ZFPM2: variants seen among roughly 807,000 people sequenced by gnomAD.
ZFPM2 encodes zinc finger protein, FOG family member 2.
Under a neutral mutation model 98.6 loss-of-function variants are expected in ZFPM2, and 20 were observed. That is an observed-to-expected ratio of 0.20 (90% CI 0.14 to 0.29). The LOEUF is 0.29. Among genes scored for constraint, ZFPM2 ranks in the 10% least tolerant of loss-of-function variants. The pLI is 1.00. For synonymous variants in ZFPM2, 518 were observed against 502.7 expected (o/e 1.03, Z -0.41); for missense variants, 1,310 against 1,388.6 (o/e 0.94, Z 0.90).
intron 3 of ZFPM2, among the ~76,000 whole-genome samples, chr8:105,516,922 T>C (rs1813935857): frequency 6.6e-6 from 1 of 152,174 alleles, no homozygotes; most frequent in Non-Finnish European, 1.5e-5. Flanking sequence ...AAAGTAAAAA[T>C]GCCAACTCAT....
chr8:105,436,937 G>A (rs1812132604), intron 2 of ZFPM2, among the ~76,000 whole-genome samples: 1 of 152,096 alleles, frequency 6.6e-6, no homozygotes, highest in Non-Finnish European at 1.5e-5. Flanking sequence ...TATGATTTCA[G>A]TGTTTTCATA....
At chr8:105,491,626 A>G (rs992524782) in intron 3 of ZFPM2, among the ~76,000 whole-genome samples, 1 of 152,228 alleles carries the variant, frequency 6.6e-6, no homozygotes, top group Non-Finnish European at 1.5e-5. Flanking sequence ...CAAGAGCAAG[A>G]TGAATTTGTC....
At chr8:105,752,722 T>G (rs998622749) in intron 5 of ZFPM2, among the ~76,000 whole-genome samples, 1 of 152,138 alleles carries the variant, frequency 6.6e-6, no homozygotes, top group Non-Finnish European at 1.5e-5. Context: ...AACCCTAACC[T>G]CTTCAATTCA....
At chr8:105,377,885 A>C (rs1364041178) in intron 1 of ZFPM2, among the ~76,000 whole-genome samples, 1 of 152,120 alleles carries the variant, frequency 6.6e-6, no homozygotes, top group Non-Finnish European at 1.5e-5. Context: ...CCCTCTTAAC[A>C]ACAATTTGAT....
chr8:105,485,363 G>A (rs1393570853), intron 3 of ZFPM2, among the ~76,000 whole-genome samples: 1 of 151,998 alleles, frequency 6.6e-6, no homozygotes, highest in Non-Finnish European at 1.5e-5. Flanking sequence ...TTTTAGAAAG[G>A]CTGTCATTGT....
chr8:105,420,852 G>T (rs185720065), intron 2 of ZFPM2, among the ~76,000 whole-genome samples: 5 of 152,196 alleles, frequency 3.3e-5, no homozygotes, highest in African/African-American at 1.2e-4. Flanking sequence ...GTTAGAAGGT[G>T]AATAAAAGAG....
At chr8:105,517,902 ACT>A (rs1336515304) in intron 3 of ZFPM2, among the ~76,000 whole-genome samples, 1 of 151,820 alleles carries the variant, frequency 6.6e-6, no homozygotes, top group East Asian at 1.9e-4. Context: ...ACAGAGGGAG[ACT>A]CTGTCTCAAA....
intron 1 of ZFPM2, among the ~76,000 whole-genome samples, chr8:105,407,312 A>G (rs1811482093): frequency 6.6e-6 from 1 of 151,958 alleles, no homozygotes; most frequent in Non-Finnish European, 1.5e-5. Context: ...CGCTATTTAC[A>G]CTATGCTGGT....
chr8:105,495,054 CA>C (rs894694123), intron 3 of ZFPM2, among the ~76,000 whole-genome samples: 1 of 152,066 alleles, frequency 6.6e-6, no homozygotes, highest in African/African-American at 2.4e-5. Context: ...GATAGCTATA[CA>C]AAAAAAGGCA....
intron 3 of ZFPM2, among the ~76,000 whole-genome samples, chr8:105,496,391 C>T (rs893032956): frequency 6.6e-6 from 1 of 152,026 alleles, no homozygotes; most frequent in South Asian, 2.1e-4. Flanking sequence ...TTTCAAGACA[C>T]TTTTGGAGAG....
intron 5 of ZFPM2, among the ~76,000 whole-genome samples, chr8:105,681,071 G>A (rs1177712267): frequency 5.3e-5 from 8 of 152,176 alleles, no homozygotes; most frequent in African/African-American, 1.4e-4. Context: ...ATTTGCACAT[G>A]CAAAATAATT....
chr8:105,592,803 C>T (rs1016973195), intron 4 of ZFPM2, among the ~76,000 whole-genome samples: 2 of 152,024 alleles, frequency 1.3e-5, no homozygotes, highest in South Asian at 2.1e-4. Context: ...AATTATCTCC[C>T]GCCTCACATT....
chr8:105,448,870 CT>C (rs1812432161), intron 3 of ZFPM2, among the ~76,000 whole-genome samples: 1 of 152,004 alleles, frequency 6.6e-6, no homozygotes, highest in African/African-American at 2.4e-5. Context: ...TTGTTAAACA[CT>C]TTTCACTCTG....
At chr8:105,405,761 A>G (rs146487121) in intron 1 of ZFPM2, among the ~76,000 whole-genome samples, 51,208 of 151,694 alleles carry the variant, frequency 0.34, 10,717 homozygotes, top group African/African-American at 0.59. Context: ...TGTCTTTATA[A>G]CAGCATGATT....
intron 1 of ZFPM2, among the ~76,000 whole-genome samples, chr8:105,384,566 T>C (rs1810947959): frequency 6.6e-6 from 1 of 151,830 alleles, no homozygotes; most frequent in Non-Finnish European, 1.5e-5. Context: ...TTGCCTTTCC[T>C]GATCCCATCA....
intron 1 of ZFPM2, among the ~76,000 whole-genome samples, chr8:105,337,740 G>T (rs1417428612): frequency 7.7e-6 from 1 of 130,244 alleles, no homozygotes; most frequent in East Asian, 2.3e-4. Flanking sequence ...ATTCTTTTTG[G>T]TCATAGTTCA....
intron 1 of ZFPM2, among the ~76,000 whole-genome samples, chr8:105,332,481 A>C (rs1812251561): frequency 6.6e-6 from 1 of 151,748 alleles, no homozygotes. Context: ...GCCCCAAGAA[A>C]AGATTGTTAC....
chr8:105,577,829 C>A (rs1815501377), intron 4 of ZFPM2, among the ~76,000 whole-genome samples: 1 of 150,748 alleles, frequency 6.6e-6, no homozygotes, highest in African/African-American at 2.4e-5. Context: ...AAAGTGCTTC[C>A]ATATTATTTG....
At chr8:105,336,733 CAT>C (rs1321689706) in intron 1 of ZFPM2, among the ~76,000 whole-genome samples, 4 of 148,574 alleles carry the variant, frequency 2.7e-5, no homozygotes, top group African/African-American at 9.9e-5. Context: ...CACACACAGA[CAT>C]ATACATGCAG....
Sources: allele counts gnomAD v4.1 joint callset (sites outside exome capture counted in the v4.1 genomes callset), GRCh38; gene constraint gnomAD v4.1.1; transcripts MANE v1.5; gene names NCBI Gene and HGNC (gene_info 2026-07-23, HGNC 2026-07-21).